Variants in GNAT1 observed in about 807,000 individuals in gnomAD.
GNAT1 encodes G protein subunit alpha transducin 1.
GNAT1 carries 36 observed loss-of-function variants against 40.0 expected under a neutral mutation model. The ratio of observed to expected loss-of-function variants is 0.90; its 90% confidence interval spans 0.69 to 1.19. GNAT1 has a LOEUF of 1.19. GNAT1 is among the 50% of genes most tolerant of loss of function. The pLI is 0.00. For missense variants in GNAT1, 413 were observed against 480.6 expected (o/e 0.86, Z 1.32); for synonymous variants, 195 against 192.9 (o/e 1.01, Z -0.09).
chr3:50,194,003 C>A lies in GNAT1; in HGVS notation c.579-89C>A. 1 of 1,604,636 alleles carries A rather than the reference C, an allele frequency of 6.2e-7. No homozygotes were observed. ...CCCCGCCAGCAGAAAGGGTGGTAGT[C>A]CCGGCCGAGAGCTCCCCGACCAGCA... On this transcript the variant is annotated intron_variant, in intron 5 of 8. Transcript: ENST00000232461. The surrounding 1 kb of genome is among the most constrained non-coding windows in gnomAD (Gnocchi z 6.1).
At position 50,193,476 on chromosome 3, in the gene GNAT1, C is replaced by T. The variant is rs755988959; in HGVS notation, c.292-30C>T. ...TCGCGGCTGGGCCCGAGTCCCTGGCCGCCACCAGCCACTCTCACCCTGCCC... is the reference window on the plus strand; with the variant it reads ...TCGCGGCTGGGCCCGAGTCCCTGGCTGCCACCAGCCACTCTCACCCTGCCC... On this transcript the variant is annotated intron_variant, in intron 3 of 8. Coordinates refer to ENST00000232461, the MANE Select transcript of GNAT1 (RefSeq NM_144499.3). This position sits in a 1 kb window ranked among gnomAD's most constrained non-coding sequence, Gnocchi z 8.1. 1.2e-6 allele frequency: 2 copies of T among 1,608,226 alleles called. No individual in the cohort carries two copies. Among genetic ancestry groups the T allele is most frequent in the South Asian group, 1.1e-5 (1 of 90,688 alleles).
chr3:50,191,871 C>T (rs1423748248), intron 1 of GNAT1, 40 bp downstream of exon 1: 1 of 1,330,120 alleles, frequency 7.5e-7, no homozygotes, highest in Admixed American at 1.7e-5. Flanking sequence ...GCCACCAGGT[C>T]ATTGGTCTGG....
rs1345475352 is a variant in GNAT1 at position 50,193,218 on chromosome 3, T to C, written c.149+43T>C. ...TCCCGAGGCCCCTGGGTCTGGGTCC[T>C]TCCCCACTTCCCCACGAGGCGCTGA... On this transcript the variant is annotated intron_variant, in intron 2 of 8. Coordinates refer to ENST00000232461, the MANE Select transcript of GNAT1 (RefSeq NM_144499.3). This position sits in a 1 kb window ranked among gnomAD's most constrained non-coding sequence, Gnocchi z 8.1. 1.9e-6 allele frequency: 3 copies of C among 1,613,988 alleles called. No individual in the cohort carries two copies. The Admixed American group carries it at 5.0e-5, about 27-fold the overall frequency.
chr3:50,194,050 G>A lies in GNAT1; in HGVS notation c.579-42G>A. 2 of 1,611,246 alleles carry A rather than the reference G, an allele frequency of 1.2e-6. No homozygotes were observed. Among genetic ancestry groups the A allele is most frequent in the Non-Finnish European group, 1.7e-6 (2 of 1,178,256 alleles). On this transcript the variant is annotated intron_variant, in intron 5 of 8. Transcript: ENST00000232461. The surrounding 1 kb of genome is among the most constrained non-coding windows in gnomAD (Gnocchi z 6.1). ...AGCACAGGGCGAAGGGATGTTGCCT[G>A]TGGGGCCCGGGGCGCAGGTTCAGGC... is the stretch of plus-strand genomic sequence containing the variant.
chr3:50,193,552 G>T lies in GNAT1; in HGVS notation c.338G>T (p.Gly113Val). 1.2e-6 allele frequency: 2 copies of T among 1,613,344 alleles called. No homozygotes were observed. Among genetic ancestry groups the T allele is most frequent in the Non-Finnish European group, 1.7e-6 (2 of 1,179,894 alleles). The part of the protein sequence containing the change: ...LMHMADTIEE[G>V]TMPKEMSDII... Reference sequence around the variant, plus strand: ...CACATGGCAGACACTATCGAGGAGGGCACGATGCCCAAGGAGATGTCGGAC... The same window carrying T: ...CACATGGCAGACACTATCGAGGAGGTCACGATGCCCAAGGAGATGTCGGAC... Residue 113 changes from glycine to valine, a missense_variant, in exon 4 of 9, where the codon GGC becomes GTC. Physicochemically the swap from Gly to Val is moderately radical, Grantham distance 109. Coordinates refer to ENST00000232461, the MANE Select transcript of GNAT1 (RefSeq NM_144499.3). The surrounding 1 kb of genome is among the most constrained non-coding windows in gnomAD (Gnocchi z 8.1).
rs775868059 is a variant in GNAT1, at chr3:50,194,460, G to A, written c.709-41G>A. On this transcript the variant is annotated intron_variant, in intron 6 of 8. Transcript: ENST00000232461. This position sits in a 1 kb window ranked among gnomAD's most constrained non-coding sequence, Gnocchi z 6.1. ...GCCCAGAGAGCAGGTGCTGCGGGTC[G>A]GACGCTACCCCGGGTGCCCAACAGC... The A allele has an allele frequency of 6.2e-7, 1 of 1,607,686 alleles. No homozygotes were observed. The highest frequency in any genetic ancestry group is 8.5e-7 in the Non-Finnish European group (1 of 1,177,324).
chr3:50,193,846 C>T lies in GNAT1; in HGVS notation c.543C>T (p.Ile181=), dbSNP rs751005737. The T allele has an allele frequency of 4.3e-6, 7 of 1,613,268 alleles. No homozygotes were observed. The highest frequency in any genetic ancestry group is 2.7e-5 in the African/African-American group (2 of 75,042). Residue 181 remains isoleucine, a synonymous_variant, in exon 5 of 9, where the codon ATC becomes ATT. Coordinates refer to ENST00000232461, the MANE Select transcript of GNAT1 (RefSeq NM_144499.3). The surrounding 1 kb of genome is among the most constrained non-coding windows in gnomAD (Gnocchi z 8.1). ...LRSRVKTTGI[I]ETQFSFKDLN... is the part of the protein sequence containing the mutation. ...CGCGAGTCAAGACCACTGGCATCATCGAGACGCAGTTCTCCTTCAAGGATC... is the reference window on the plus strand; with the variant it reads ...CGCGAGTCAAGACCACTGGCATCATTGAGACGCAGTTCTCCTTCAAGGATC...
At position 50,196,201 on chromosome 3, in the gene GNAT1, G is replaced by A. The variant is rs1699499571; in HGVS notation, c.*935G>A. The A allele has an allele frequency of 6.6e-6, 1 of 152,278 alleles. No homozygotes were observed. The highest frequency in any genetic ancestry group is 2.1e-4 in the South Asian group (1 of 4,828). 9.4% of individuals were successfully genotyped at this position (152,278 alleles called of 1,614,324 possible). The stretch of plus-strand genomic sequence containing the variant: ...CAAAGGCCCTGGCTGTGCCCAAAAG[G>A]GTCTACCTCAGGTGGGGTTACAAGC... On this transcript the variant is annotated 3_prime_UTR_variant, in exon 9 of 9. Coordinates refer to ENST00000232461, the MANE Select transcript of GNAT1 (RefSeq NM_144499.3).
In GNAT1 at chr3:50,194,869, A is replaced by G. The variant is rs1699479544; in HGVS notation, c.967A>G (p.Thr323Ala). Residue 323 changes from threonine to alanine, a missense_variant, in exon 8 of 9, where the codon ACC becomes GCC. By Grantham distance (58) the Thr-to-Ala change is moderately conservative (BLOSUM62 0). Transcript: ENST00000232461. This position sits in a 1 kb window ranked among gnomAD's most constrained non-coding sequence, Gnocchi z 6.1. ...KEIYSHMTCA[T>A]DTQNVKFVFD... is the part of the protein sequence containing the mutation. ...GATCTATTCCCACATGACGTGCGCC[A>G]CCGACACGCAGAACGTCAAATTTGT... 1 of 1,613,740 alleles carries G rather than the reference A, an allele frequency of 6.2e-7. No homozygotes were observed. Among genetic ancestry groups the G allele is most frequent in the African/African-American group, 1.3e-5 (1 of 74,896 alleles).
chr3:50,193,708 G>A lies in GNAT1; in HGVS notation c.449+45G>A, dbSNP rs779435768. The A allele has an allele frequency of 1.3e-6, 2 of 1,598,868 alleles. No homozygotes were observed. Among genetic ancestry groups the A allele is most frequent in the South Asian group, 1.1e-5 (1 of 90,172 alleles). ...GGGGCGCGGGGCGCGGGGCGCAGGG[G>A]GCCCTCCACGCCTCCCCACCCACCT... is the stretch of plus-strand genomic sequence containing the variant. On this transcript the variant is annotated intron_variant, in intron 4 of 8. Transcript: ENST00000232461. This position sits in a 1 kb window ranked among gnomAD's most constrained non-coding sequence, Gnocchi z 8.1.
In GNAT1 at chr3:50,194,778, C is replaced by T. The variant is rs142612552; in HGVS notation, c.876C>T (p.Tyr292=). The T allele has an allele frequency of 5.2e-4, 833 of 1,613,658 alleles. 1 individual carries two copies. Among genetic ancestry groups the T allele is most frequent in the Non-Finnish European group, 6.8e-4 (804 of 1,179,962 alleles). Residue 292 remains tyrosine, a synonymous_variant, in exon 8 of 9, where the codon TAC becomes TAT. Transcript: ENST00000232461. This position sits in a 1 kb window ranked among gnomAD's most constrained non-coding sequence, Gnocchi z 6.1. ...CCGCCCCCGCAGGACCCAACACCTA[C>T]GAGGACGCCGGCAACTACATCAAGG... ...CFPDYDGPNT[Y]EDAGNYIKVQ... is the part of the protein sequence containing the mutation.
chr3:50,193,476 C>G lies in GNAT1; in HGVS notation c.292-30C>G. The stretch of plus-strand genomic sequence containing the variant: ...TCGCGGCTGGGCCCGAGTCCCTGGC[C>G]GCCACCAGCCACTCTCACCCTGCCC... On this transcript the variant is annotated intron_variant, in intron 3 of 8. Coordinates refer to ENST00000232461, the MANE Select transcript of GNAT1 (RefSeq NM_144499.3). This position sits in a 1 kb window ranked among gnomAD's most constrained non-coding sequence, Gnocchi z 8.1. The G allele has an allele frequency of 6.2e-7, 1 of 1,608,228 alleles. No homozygotes were observed. The highest frequency in any genetic ancestry group is 8.5e-7 in the Non-Finnish European group (1 of 1,178,160).
Position 50,193,120 on chromosome 3 carries a change from G to T in GNAT1, c.107-13G>T, listed in dbSNP as rs1559746008. ...CTGGTCAGCGCAGCTCTGAGGCGCC[G>T]CGTCTCTTTCAGGTGCCGGTGAGTC... On this transcript the variant is annotated splice_polypyrimidine_tract_variant and intron_variant, in intron 1 of 8. Coordinates refer to ENST00000232461, the MANE Select transcript of GNAT1 (RefSeq NM_144499.3). This position sits in a 1 kb window ranked among gnomAD's most constrained non-coding sequence, Gnocchi z 8.1. 1.2e-6 allele frequency: 2 copies of T among 1,613,698 alleles called. No individual in the cohort carries two copies. Among genetic ancestry groups the T allele is most frequent in the South Asian group, 1.1e-5 (1 of 91,074 alleles).
At position 50,194,597 on chromosome 3, in the gene GNAT1, GTCT is replaced by G. The variant is rs1559747220; in HGVS notation, c.811_813del (p.Phe271del). 8 of 1,613,234 alleles carry G rather than the reference GTCT, an allele frequency of 5.0e-6. No homozygotes were observed. Among genetic ancestry groups the G allele is most frequent in the Non-Finnish European group, 5.9e-6 (7 of 1,179,318 alleles). On this transcript the variant is annotated inframe_deletion, in exon 7 of 9. Coordinates refer to ENST00000232461, the MANE Select transcript of GNAT1 (RefSeq NM_144499.3). This position sits in a 1 kb window ranked among gnomAD's most constrained non-coding sequence, Gnocchi z 6.1. ...CGTGCTCTTCCTTAACAAGAAGGAC[GTCT>G]TCTTCGAGAAGATCAAGAAGGCGCA...
At position 50,195,101 on chromosome 3, in the gene GNAT1, CA is replaced by C. The variant is rs1699482312; in HGVS notation, c.*1+146del. On this transcript the variant is annotated intron_variant, in intron 8 of 8. Coordinates refer to ENST00000232461, the MANE Select transcript of GNAT1 (RefSeq NM_144499.3). ...CACCCCAGCTCCTCAGGCTCCACCC[CA>C]CCGACAGAGGCCCCGCCCCACCCCA... 3.1e-5 allele frequency: 21 copies of C among 683,140 alleles called. No homozygotes were observed. The South Asian group carries it at 3.2e-4, about 11-fold the overall frequency. 42.3% of individuals were successfully genotyped at this position (683,140 alleles called of 1,614,324 possible).
At position 50,196,282 on chromosome 3, in the gene GNAT1, G is replaced by T. The variant is rs904048118; in HGVS notation, c.*1016G>T. On this transcript the variant is annotated 3_prime_UTR_variant, in exon 9 of 9. Coordinates refer to ENST00000232461, the MANE Select transcript of GNAT1 (RefSeq NM_144499.3). ...CAGCTTCTCTTGCCCCTTCCATTCA[G>T]GGTTCCCTGGCAGGGGAAGCTGAGA... The T allele has an allele frequency of 6.6e-6, 1 of 152,348 alleles. No individual in the cohort carries two copies. The highest frequency in any genetic ancestry group is 6.5e-5 in the Admixed American group (1 of 15,284). 9.4% of individuals were successfully genotyped at this position (152,348 alleles called of 1,614,324 possible).
rs12721544 is a variant in GNAT1, at chr3:50,194,394, C to T, written c.709-107C>T. 0.034 allele frequency: 48,170 copies of T among 1,423,800 alleles called. 9,985 individuals are homozygous for T. In the East Asian group the frequency reaches 0.54, roughly 16 times the overall value. 88.2% of individuals were successfully genotyped at this position (1,423,800 alleles called of 1,614,324 possible). A position where few individuals can be genotyped will look rare whatever the true frequency, so the allele number is the denominator to read the frequency against. ...CCCATCTGGGGCAGTGCGGGGAGCC[C>T]TCTGAGAGCCAGCTGAGCGGGAAGC... is the stretch of plus-strand genomic sequence containing the variant. On this transcript the variant is annotated intron_variant, in intron 6 of 8. Coordinates refer to ENST00000232461, the MANE Select transcript of GNAT1 (RefSeq NM_144499.3). This position sits in a 1 kb window ranked among gnomAD's most constrained non-coding sequence, Gnocchi z 6.1.
rs1699498937 is a variant in GNAT1, at chr3:50,196,158, A to T, written c.*892A>T. On this transcript the variant is annotated 3_prime_UTR_variant, in exon 9 of 9. Coordinates refer to ENST00000232461, the MANE Select transcript of GNAT1 (RefSeq NM_144499.3). Reference sequence around the variant, plus strand: ...GAGTCCAGCTCCCTTGGATCAGCCCAGAGGATTCAGGATAGGACAAAGGCC... The same window carrying T: ...GAGTCCAGCTCCCTTGGATCAGCCCTGAGGATTCAGGATAGGACAAAGGCC... 6.6e-6 allele frequency: 1 copy of T among 152,346 alleles called. No homozygotes were observed. The highest frequency in any genetic ancestry group is 1.5e-5 in the Non-Finnish European group (1 of 68,112). 9.4% of individuals were successfully genotyped at this position (152,346 alleles called of 1,614,324 possible).
At position 50,194,732 on chromosome 3, in the gene GNAT1, G is replaced by GT; in HGVS notation, c.863-33_863-32insT. On this transcript the variant is annotated intron_variant, in intron 7 of 8. Transcript: ENST00000232461. The surrounding 1 kb of genome is among the most constrained non-coding windows in gnomAD (Gnocchi z 6.1). The stretch of plus-strand genomic sequence containing the variant: ...CGCACCCCCCGCACGGGGAAGGAAG[G>GT]GCTGAGCAGAGTGAGAGCTCCCGCC... 1 of 1,612,352 alleles carries GT rather than the reference G, an allele frequency of 6.2e-7. No individual in the cohort carries two copies.
Sources: gnomAD v4.1 joint callset for allele counts on GRCh38, gnomAD v4.1.1 for gene constraint, Gnocchi (gnomAD v3.1) non-coding constraint, MANE v1.5 for transcripts, NCBI Gene and HGNC (gene_info 2026-07-23, HGNC 2026-07-21) for gene names.